Variants in PIP5K1B observed in about 807,000 individuals in gnomAD.
PIP5K1B encodes phosphatidylinositol-4-phosphate 5-kinase type 1 beta, also known as phosphatidylinositol 4-phosphate 5-kinase type-1 beta.
PIP5K1B carries 42 observed loss-of-function variants against 67.0 expected under a neutral mutation model. The ratio of observed to expected loss-of-function variants is 0.63; its 90% CI spans 0.49 to 0.81. The LOEUF is 0.81. Ranked by LOEUF, PIP5K1B falls within the 30% of genes least tolerant of loss-of-function variation. The pLI is 0.00. For missense variants in PIP5K1B, 459 were observed against 646.3 expected (o/e 0.71, Z 3.14); for synonymous variants, 214 against 231.4 (o/e 0.92, Z 0.68).
chr9:68,980,266 C>T (rs951197659), intron 14 of PIP5K1B, among the ~76,000 whole-genome samples: 4 of 152,318 alleles, frequency 2.6e-5, no homozygotes, highest in East Asian at 3.9e-4. Context: ...ACTTCAGAAG[C>T]GCCTGGGTCA....
At chr9:68,769,783 T>C (rs1830594398) in intron 2 of PIP5K1B, among the ~76,000 whole-genome samples, 1 of 152,222 alleles carries the variant, frequency 6.6e-6, no homozygotes, top group Non-Finnish European at 1.5e-5. Context: ...CAAGAACACT[T>C]CCGTGGCCTG....
intron 1 of PIP5K1B, among the ~76,000 whole-genome samples, chr9:68,739,234 G>A (rs1481843638): frequency 2.0e-5 from 3 of 152,024 alleles, no homozygotes; most frequent in Non-Finnish European, 2.9e-5. Context: ...CATGTGCCTC[G>A]ATTTACTCTT....
intron 8 of PIP5K1B, among the ~76,000 whole-genome samples, chr9:68,916,999 G>T (rs1403255110): frequency 6.6e-6 from 1 of 152,180 alleles, no homozygotes; most frequent in Non-Finnish European, 1.5e-5. Context: ...GTGTCTTCAT[G>T]CTGAGGAAGA....
At position 68,941,429 on chromosome 9, in the gene PIP5K1B, C is replaced by G. The variant is rs546614952; in HGVS notation, c.1502+639C>G. 2.0e-5 allele frequency among the ~76,000 whole-genome samples: 3 copies of G among 152,272 alleles called. No homozygotes were observed. The East Asian group carries it at 5.8e-4, about 29-fold the overall frequency. On this transcript the variant is annotated intron_variant, in intron 14 of 15. Coordinates refer to ENST00000265382, the MANE Select transcript of PIP5K1B (RefSeq NM_003558.4). ...ATCAGAAGCAGAAGGCAGGATACTC[C>G]ATTTGCCCTGATATGATTATTATTC...
intron 1 of PIP5K1B, among the ~76,000 whole-genome samples, chr9:68,730,929 T>C (rs953327540): frequency 6.6e-6 from 1 of 152,254 alleles, no homozygotes; most frequent in African/African-American, 2.4e-5. Context: ...CCTCTTTTCA[T>C]GAGAAAGGAT....
At chr9:68,868,412 C>T (rs1402934378) in intron 5 of PIP5K1B, among the ~76,000 whole-genome samples, 1 of 152,106 alleles carries the variant, frequency 6.6e-6, no homozygotes, top group Non-Finnish European at 1.5e-5. Flanking sequence ...TATCTTTCAT[C>T]TTTATAAGAA....
At chr9:68,973,281 AG>A (rs1290154962) in intron 14 of PIP5K1B, among the ~76,000 whole-genome samples, 1 of 152,134 alleles carries the variant, frequency 6.6e-6, no homozygotes, top group Non-Finnish European at 1.5e-5. Flanking sequence ...CACATTAACA[AG>A]AAAAAAAAAT....
At chr9:68,966,586 C>G (rs1211109466) in intron 14 of PIP5K1B, 5 of 152,078 alleles carry the variant, frequency 3.3e-5, no homozygotes, top group African/African-American at 1.2e-4. Context: ...TCAAGGTCAT[C>G]AAAAACAAGA....
chr9:69,008,425 C>T (rs1831184188), intron 15 of PIP5K1B, 22 bp from the exon 16 acceptor site: 5 of 1,613,322 alleles, frequency 3.1e-6, no homozygotes, highest in Admixed American at 1.7e-5. Context: ...TAGTCTCACA[C>T]CTGCTTTTTT....
At chr9:68,776,602 C>A (rs1830929709) in intron 2 of PIP5K1B, among the ~76,000 whole-genome samples, 1 of 151,978 alleles carries the variant, frequency 6.6e-6, no homozygotes, top group South Asian at 2.1e-4. Context: ...AGCCACCACG[C>A]CTGGCCCTAA....
intron 14 of PIP5K1B, among the ~76,000 whole-genome samples, chr9:68,958,295 A>G (rs1364539893): frequency 6.6e-6 from 1 of 152,226 alleles, no homozygotes; most frequent in East Asian, 1.9e-4. Flanking sequence ...CAAAGACAGG[A>G]CACTATGGCT....
intron 4 of PIP5K1B, among the ~76,000 whole-genome samples, chr9:68,825,855 C>T (rs915253748): frequency 9.9e-5 from 15 of 152,154 alleles, no homozygotes; most frequent in Non-Finnish European, 2.1e-4. Flanking sequence ...GTATGGAGCC[C>T]CAGATTTACT....
chr9:68,840,813 A>G (rs1352467626), intron 4 of PIP5K1B, among the ~76,000 whole-genome samples: 1 of 152,174 alleles, frequency 6.6e-6, no homozygotes, highest in African/African-American at 2.4e-5. Context: ...CGTATTTGCA[A>G]CCTTGTAAAG....
In PIP5K1B at chr9:68,709,891, C is replaced by T. The variant is rs150758493; in HGVS notation, c.-243+4129C>T. On this transcript the variant is annotated intron_variant, in intron 1 of 15. Transcript: ENST00000265382. ...CACCACTGTACTCTAGCCTGGGTGA[C>T]ACAGCAAGGCCTTGTCTCAGAAAAG... Among the ~76,000 whole-genome samples the T allele has an allele frequency of 1.2e-4, 19 of 152,318 alleles. No homozygotes were observed. In the East Asian group the frequency reaches 3.7e-3, roughly 29 times the overall value.
intron 6 of PIP5K1B, among the ~76,000 whole-genome samples, chr9:68,888,635 C>A (rs377531292): frequency 8.5e-5 from 13 of 152,140 alleles, no homozygotes; most frequent in African/African-American, 2.9e-4. Flanking sequence ...TTCACATCTT[C>A]ACTTGTTATT....
At chr9:68,804,589 T>A (rs1298677085) in intron 2 of PIP5K1B, among the ~76,000 whole-genome samples, 1 of 19,770 alleles carries the variant, frequency 5.1e-5, no homozygotes, top group Non-Finnish European at 1.2e-4. Flanking sequence ...TAGTTTTCAA[T>A]TTTTTTTTTT....
intron 2 of PIP5K1B, among the ~76,000 whole-genome samples, chr9:68,771,199 C>T (rs1360902469): frequency 1.3e-5 from 2 of 152,166 alleles, no homozygotes; most frequent in African/African-American, 4.8e-5. Flanking sequence ...TTCTAAAGTC[C>T]CTTTCAGATC....
chr9:68,792,060 T>C (rs1446293100), intron 2 of PIP5K1B, among the ~76,000 whole-genome samples: 2 of 152,246 alleles, frequency 1.3e-5, no homozygotes, highest in Admixed American at 1.3e-4. Flanking sequence ...ACATCTTTCC[T>C]GATGGCCCCT....
At chr9:68,787,626 C>G (rs1831700347) in intron 2 of PIP5K1B, among the ~76,000 whole-genome samples, 1 of 150,514 alleles carries the variant, frequency 6.6e-6, no homozygotes, top group Non-Finnish European at 1.5e-5. Context: ...ATTTTTCTTT[C>G]TAATCTTTCT....
Sources: gnomAD v4.1 joint callset for allele counts (sites outside exome capture counted in the v4.1 genomes callset) on GRCh38, gnomAD v4.1.1 for gene constraint, MANE v1.5 for transcripts, NCBI Gene and HGNC (gene_info 2026-07-23, HGNC 2026-07-21) for gene names.